Variants in CD163L1 observed in about 807,000 individuals in gnomAD.
CD163L1 encodes scavenger receptor cysteine-rich type 1 protein M160.
CD163L1 carries 124 observed loss-of-function variants against 165.4 expected under a neutral mutation model. The ratio of observed to expected loss-of-function variants is 0.75; its 90% CI spans 0.65 to 0.87. The LOEUF (loss-of-function observed/expected upper bound fraction) is 0.87. Among genes scored for constraint, CD163L1 ranks in the 40% least tolerant of loss-of-function variants. The probability of loss-of-function intolerance (pLI) is 0.00; values close to 1 mark genes in which losing one functional copy is unlikely to be tolerated. For synonymous variants in CD163L1, 585 were observed against 662.2 expected (o/e 0.88, Z 1.79); for missense variants, 1,525 against 1,799.9 (o/e 0.85, Z 2.76).
At chr12:7,337,563 C>CA in the CD163L1 span, among the ~76,000 whole-genome samples, 2 of 151,568 alleles carry the variant, frequency 1.3e-5, no homozygotes, top group East Asian at 1.9e-4. Context: ...ACAAACATAC[C>CA]AAAAAAAGAT....
rs886884623 is a variant in CD163L1, at chr12:7,373,591, A to C, written c.3459T>G (p.Ala1153=). The C allele has an allele frequency of 1.2e-6, 2 of 1,613,030 alleles. No homozygotes were observed. The highest frequency in any genetic ancestry group is 2.7e-5 in the African/African-American group (2 of 74,912). ...LYSETETESC[A]GRLEVFYNGT... is the part of the protein sequence containing the mutation. ...CGTTATAGAAGACTTCCAATCTCCCAGCACAGCTCTCTGTTTCAGTTTCAC... is the reference window on the plus strand; with the variant it reads ...CGTTATAGAAGACTTCCAATCTCCCCGCACAGCTCTCTGTTTCAGTTTCAC... The change falls in exon 14 of 20, where the codon GCT becomes GCG. Residue 1153 remains alanine (A), a synonymous_variant. Transcript: ENST00000313599.
chr12:7,357,580 G>A, intron 18 of CD163L1, 94 bp from the exon 19 acceptor site: 1 of 932,818 alleles, frequency 1.1e-6, no homozygotes, highest in Non-Finnish European at 1.7e-6. Flanking sequence ...AGCTGGGAAA[G>A]TATAATAGAG....
intron 4 of CD163L1, among the ~76,000 whole-genome samples, chr12:7,417,008 C>A (rs966218701): frequency 6.6e-6 from 1 of 152,046 alleles, no homozygotes; most frequent in Non-Finnish European, 1.5e-5. Flanking sequence ...TTACTTTGGG[C>A]AGTGTGGCCA....
intron 2 of CD163L1, chr12:7,438,964 G>C (rs1416577402): frequency 6.8e-5 from 110 of 1,606,698 alleles, no homozygotes; most frequent in Non-Finnish European, 8.4e-5. Context: ...CTAGCTTCCT[G>C]CTCTCTCTAG....
At chr12:7,333,262 TA>T in the CD163L1 span, among the ~76,000 whole-genome samples, 1 of 152,120 alleles carries the variant, frequency 6.6e-6, no homozygotes, top group Admixed American at 6.6e-5. Context: ...TCAGCAAATG[TA>T]AAAGAACAAA....
chr12:7,360,988 G>C (rs1484348372), intron 18 of CD163L1, among the ~76,000 whole-genome samples: 1 of 151,994 alleles, frequency 6.6e-6, no homozygotes, highest in African/African-American at 2.4e-5. Flanking sequence ...GTTTTGTCTT[G>C]ATTTAGCAAG....
Position 7,400,592 on chromosome 12 carries a change from C to T in CD163L1, c.1409-2008G>A, listed in dbSNP as rs999607311. 2.0e-5 allele frequency among the ~76,000 whole-genome samples: 3 copies of T among 152,040 alleles called. No individual in the cohort carries two copies. The highest frequency in any genetic ancestry group is 4.4e-5 in the Non-Finnish European group (3 of 68,012). Reference sequence around the variant, plus strand: ...CTATTTACAGGTGCAATCATAGCACCTTACAGTCTCTATCTCCTGGGCTCA... The same window carrying T: ...CTATTTACAGGTGCAATCATAGCACTTTACAGTCTCTATCTCCTGGGCTCA... On this transcript the variant is annotated intron_variant, in intron 6 of 19. Transcript: ENST00000313599. This position sits in a 1 kb window ranked among gnomAD's most constrained non-coding sequence, Gnocchi z 4.1.
chr12:7,439,520 A>T, intron 2 of CD163L1: 1 of 1,578,102 alleles, frequency 6.3e-7, no homozygotes. Flanking sequence ...CTCTGCCTTA[A>T]TTTTTTCTTT....
rs746433150 is a variant in CD163L1, at chr12:7,430,831, G to A, written c.766+1585C>T. The stretch of plus-strand genomic sequence containing the variant: ...GAGGAACAGAATGTCTCAATGTTCT[G>A]AGGTGGGTTGGAAAATATCACGTAC... On this transcript the variant is annotated intron_variant, in intron 4 of 19. Transcript: ENST00000313599. Among the ~76,000 whole-genome samples, 3 of 152,126 alleles carry A rather than the reference G, an allele frequency of 2.0e-5. No individual in the cohort carries two copies. The South Asian group carries it at 6.2e-4, about 32-fold the overall frequency.
chr12:7,342,243 G>A (rs1168108216), downstream of CD163L1, among the ~76,000 whole-genome samples: 2 of 152,180 alleles, frequency 1.3e-5, no homozygotes, highest in Non-Finnish European at 2.9e-5. Flanking sequence ...AATGAGGGCA[G>A]GGAACAGCTG....
downstream of CD163L1, among the ~76,000 whole-genome samples, chr12:7,342,524 C>T (rs1325581831): frequency 1.3e-5 from 2 of 152,186 alleles, no homozygotes; most frequent in Non-Finnish European, 2.9e-5. Flanking sequence ...CCCTGATTTC[C>T]CACTCCACAC....
rs1039000781 is a variant in CD163L1 at position 7,379,179 on chromosome 12, C to A, written c.2170G>T (p.Ala724Ser). 8.7e-6 allele frequency: 14 copies of A among 1,614,038 alleles called. No homozygotes were observed. The highest frequency in any genetic ancestry group is 2.7e-5 in the African/African-American group (2 of 74,912). ...LCANGWGMNIAEVVCRQLECG... is the reference protein window; with the variant it reads ...LCANGWGMNISEVVCRQLECG... ...TCAAGTTGCCTGCAAACAACTTCAG[C>A]AATGTTCATTCCCCAGCCATTAGCA... The change falls in exon 9 of 20, where the codon GCT (alanine) becomes TCT (serine). Residue 724 changes from alanine to serine, a missense_variant. Coordinates refer to ENST00000313599, the MANE Select transcript of CD163L1 (RefSeq NM_174941.6).
At chr12:7,408,833 G>A (rs957848761) in intron 4 of CD163L1, among the ~76,000 whole-genome samples, 1 of 152,134 alleles carries the variant, frequency 6.6e-6, no homozygotes, top group African/African-American at 2.4e-5. Flanking sequence ...CTTCAGTTTT[G>A]TACTTGTACT....
At chr12:7,387,765 T>C (rs1453832025) in intron 8 of CD163L1, among the ~76,000 whole-genome samples, 1 of 152,118 alleles carries the variant, frequency 6.6e-6, no homozygotes, top group Admixed American at 6.5e-5. Context: ...GCCTCGAGTA[T>C]TCCTTTATAG....
intron 2 of CD163L1, among the ~76,000 whole-genome samples, chr12:7,435,365 T>C (rs1333671250): frequency 6.6e-6 from 1 of 151,720 alleles, no homozygotes; most frequent in Non-Finnish European, 1.5e-5. Context: ...ATCTAGATTA[T>C]ATTTTTTAAA....
At chr12:7,414,828 G>T (rs1948205789) in intron 4 of CD163L1, among the ~76,000 whole-genome samples, 1 of 152,038 alleles carries the variant, frequency 6.6e-6, no homozygotes, top group Non-Finnish European at 1.5e-5. Flanking sequence ...AACAAAAAAA[G>T]AACCCTGCCA....
chr12:7,369,303 T>A lies in CD163L1; in HGVS notation c.4039+54A>T. 6.5e-7 allele frequency: 1 copy of A among 1,542,004 alleles called. No homozygotes were observed. The highest frequency in any genetic ancestry group is 1.2e-5 in the South Asian group (1 of 84,208). ...CTCTCTGAGTGAGCCTGTTTCCCAG[T>A]GTTCTCTACCATTAGTGGGAGGCTC... On this transcript the variant is annotated intron_variant, in intron 15 of 19. Coordinates refer to ENST00000313599, the MANE Select transcript of CD163L1 (RefSeq NM_174941.6). This position sits in a 1 kb window ranked among gnomAD's most constrained non-coding sequence, Gnocchi z 4.9.
In CD163L1 at chr12:7,441,215, A is replaced by G; in HGVS notation, c.63T>C (p.Leu21=). The part of the protein sequence containing the change: ...DFGRCCCHQN[L]FSAVVTCILL... ...GGATGCAAGTTACCACAGCAGAGAA[A>G]AGGTTCTGATGACAGCAGCATCTTC... The change falls in exon 2 of 20, where the codon CTT becomes CTC. Residue 21 remains leucine (L), a synonymous_variant. Transcript: ENST00000313599. 3 of 1,614,104 alleles carry G rather than the reference A, an allele frequency of 1.9e-6. No homozygotes were observed. The highest frequency in any genetic ancestry group is 2.5e-6 in the Non-Finnish European group (3 of 1,179,978).
the CD163L1 span, among the ~76,000 whole-genome samples, chr12:7,325,269 C>T: frequency 6.6e-6 from 1 of 152,352 alleles, no homozygotes; most frequent in Admixed American, 6.5e-5. Flanking sequence ...GGAACAGATA[C>T]TGCATAGGCA....
Sources: gnomAD v4.1 joint callset for allele counts (sites outside exome capture counted in the v4.1 genomes callset) on GRCh38, gnomAD v4.1.1 for gene constraint, Gnocchi (gnomAD v3.1) non-coding constraint, MANE v1.5 for transcripts, NCBI Gene and HGNC (gene_info 2026-07-23, HGNC 2026-07-21) for gene names.